TAFA2: variants seen among roughly 807,000 people sequenced by gnomAD.
The protein encoded by TAFA2 is chemokine-like protein TAFA-2.
In TAFA2, 7 loss-of-function variants were observed where a neutral mutation model predicts 18.8. That is an observed-to-expected ratio of 0.37 (90% confidence interval 0.21 to 0.70). The LOEUF (loss-of-function observed/expected upper bound fraction) is 0.70, where lower values mean the gene tolerates loss of function less well. TAFA2 is among the 30% of genes least tolerant of loss of function. TAFA2 has a pLI of 0.53. For missense variants in TAFA2, 122 were observed against 158.1 expected (o/e 0.77, Z 1.23); for synonymous variants, 60 against 54.2 (o/e 1.11, Z -0.47).
chr12:61,983,412 G>GTTTTGTTTTGTTTTGTTTT (rs1879707856), intron 1 of TAFA2, among the ~76,000 whole-genome samples: 2 of 151,852 alleles, frequency 1.3e-5, no homozygotes, highest in African/African-American at 4.8e-5. Flanking sequence ...GTTTTGTTTT[G>GTTTTGTTTTGTTTTGTTTT]TTTTGTTTTG....
intron 2 of TAFA2, among the ~76,000 whole-genome samples, chr12:61,781,565 T>C (rs2120886390): frequency 6.6e-6 from 1 of 151,888 alleles, no homozygotes; most frequent in East Asian, 1.9e-4. Context: ...TTCTATAATG[T>C]GCATCAAATT....
intron 1 of TAFA2, among the ~76,000 whole-genome samples, chr12:62,199,738 T>C (rs2700270): frequency 0.53 from 80,800 of 151,986 alleles, 22,243 homozygotes; most frequent in East Asian, 0.7. Context: ...ATCTTTATAA[T>C]AGAATGATTG....
chr12:61,910,035 T>C (rs1876532263), intron 1 of TAFA2, among the ~76,000 whole-genome samples: 1 of 151,932 alleles, frequency 6.6e-6, no homozygotes, highest in Non-Finnish European at 1.5e-5. Context: ...TTCAATGCAA[T>C]GCAAAAAACA....
At chr12:62,132,500 T>A (rs192773953) in intron 1 of TAFA2, among the ~76,000 whole-genome samples, 1 of 152,014 alleles carries the variant, frequency 6.6e-6, no homozygotes, top group South Asian at 2.1e-4. Context: ...TATTTTATAA[T>A]GGCCTCTCTC....
intron 1 of TAFA2, among the ~76,000 whole-genome samples, 196 bp downstream of exon 1, chr12:62,191,063 G>A (rs1277870257): frequency 6.6e-6 from 1 of 151,844 alleles, no homozygotes; most frequent in East Asian, 1.9e-4. Context: ...CTGACCGCCC[G>A]CGAGGGAGAC....
chr12:61,843,353 A>G lies in TAFA2; in HGVS notation c.106+23967T>C, dbSNP rs543248687. On this transcript the variant is annotated intron_variant, in intron 2 of 4. Coordinates refer to ENST00000416284, the MANE Select transcript of TAFA2 (RefSeq NM_178539.5). ...TGGGACTCCAGATATTGGAAAAAAA[A>G]CTGCATTTAAGAGAAACAAAAAATG... 4.6e-5 allele frequency among the ~76,000 whole-genome samples: 7 copies of G among 152,186 alleles called. No homozygotes were observed. The East Asian group carries it at 1.2e-3, about 25-fold the overall frequency.
intron 1 of TAFA2, among the ~76,000 whole-genome samples, chr12:62,123,213 T>G (rs1870278849): frequency 2.0e-5 from 3 of 152,182 alleles, no homozygotes; most frequent in Admixed American, 2.0e-4. Context: ...TCTCTCTCTA[T>G]GCCCACACTC....
chr12:62,204,227 C>G (rs981663965), intron 1 of TAFA2, among the ~76,000 whole-genome samples: 37 of 152,084 alleles, frequency 2.4e-4, no homozygotes, highest in Non-Finnish European at 4.4e-5. Flanking sequence ...GACGAACTTG[C>G]CTTTGTAGGT....
chr12:61,914,196 G>A (rs995140206), intron 1 of TAFA2, among the ~76,000 whole-genome samples: 1 of 152,158 alleles, frequency 6.6e-6, no homozygotes, highest in Non-Finnish European at 1.5e-5. Context: ...TCAGGATAAG[G>A]AGAGGACAGT....
chr12:61,880,887 C>T (rs1038299131), intron 1 of TAFA2: 2 of 175,842 alleles, frequency 1.1e-5, no homozygotes, highest in Admixed American at 1.2e-4. Context: ...AGACTCAGCC[C>T]TAGCCCTCAG....
At chr12:62,120,050 G>A (rs1016726300) in intron 1 of TAFA2, among the ~76,000 whole-genome samples, 1 of 150,680 alleles carries the variant, frequency 6.6e-6, no homozygotes, top group African/African-American at 2.4e-5. Context: ...GAAAAAGAGC[G>A]AAACTCCATC....
chr12:62,165,304 C>A (rs878927805), intron 1 of TAFA2, among the ~76,000 whole-genome samples: 1 of 152,052 alleles, frequency 6.6e-6, no homozygotes, highest in East Asian at 1.9e-4. Flanking sequence ...TGTCTACTTA[C>A]CTCCCTCTGT....
chr12:62,201,857 T>C (rs2062672322), intron 1 of TAFA2, among the ~76,000 whole-genome samples: 1 of 152,204 alleles, frequency 6.6e-6, no homozygotes. Flanking sequence ...CAGCTGCAAA[T>C]CTGTCTGGTC....
chr12:62,056,282 A>G (rs116752410), intron 1 of TAFA2, among the ~76,000 whole-genome samples: 3,195 of 152,286 alleles, frequency 0.021, 75 homozygotes, highest in African/African-American at 0.05. Context: ...CCCTTCTTCA[A>G]TTTAGCAAAA....
intron 1 of TAFA2, among the ~76,000 whole-genome samples, chr12:62,023,424 A>C (rs894552024): frequency 2.0e-5 from 3 of 152,094 alleles, no homozygotes; most frequent in African/African-American, 7.2e-5. Flanking sequence ...TCATATATAC[A>C]TCTAGGATAT....
At chr12:61,781,182 T>C (rs1163651393) in intron 2 of TAFA2, among the ~76,000 whole-genome samples, 1 of 151,702 alleles carries the variant, frequency 6.6e-6, no homozygotes, top group East Asian at 1.9e-4. Context: ...AATGGGTCAT[T>C]GTAAGATCCC....
chr12:61,900,618 A>T (rs1323825716), intron 1 of TAFA2, among the ~76,000 whole-genome samples: 2 of 152,118 alleles, frequency 1.3e-5, no homozygotes, highest in African/African-American at 4.8e-5. Context: ...ATATAAACCC[A>T]TCAGATCTCA....
intron 1 of TAFA2, among the ~76,000 whole-genome samples, chr12:62,207,471 AAC>A (rs57677645): frequency 1.8e-4 from 27 of 149,260 alleles, no homozygotes; most frequent in Admixed American, 2.7e-4. Flanking sequence ...TTCACACACA[AAC>A]ACACACACAC....
intron 2 of TAFA2, among the ~76,000 whole-genome samples, chr12:61,790,744 G>T (rs774751470): frequency 1.3e-5 from 2 of 151,768 alleles, no homozygotes; most frequent in African/African-American, 4.8e-5. Flanking sequence ...GACATTTCTT[G>T]TTCATGAACT....
Sources: allele counts gnomAD v4.1 joint callset (sites outside exome capture counted in the v4.1 genomes callset), GRCh38; gene constraint gnomAD v4.1.1; transcripts MANE v1.5; gene names NCBI Gene and HGNC (gene_info 2026-07-23, HGNC 2026-07-21).